KLF8: variants seen among roughly 807,000 people sequenced by gnomAD.
The protein encoded by KLF8 is Krueppel-like factor 8.
KLF8 carries 10 observed loss-of-function variants against 18.2 expected under a neutral mutation model. That is an observed-to-expected ratio of 0.55 (90% CI 0.34 to 0.93). KLF8 has a LOEUF of 0.93. Ranked by LOEUF, KLF8 falls within the 40% of genes least tolerant of loss-of-function variation. The pLI is 0.02. For missense variants in KLF8, 264 were observed against 277.9 expected (o/e 0.95, Z 0.36); for synonymous variants, 109 against 97.3 (o/e 1.12, Z -0.71).
chrX:56,158,454 G>C, the KLF8 span, among the ~76,000 whole-genome samples: 3 of 111,797 alleles, frequency 2.7e-5, no homozygotes, highest in East Asian at 8.4e-4. Context: ...GATGGGGATG[G>C]CATTGAATCT....
chrX:56,060,753 A>C, the KLF8 span, among the ~76,000 whole-genome samples: 3 of 112,066 alleles, frequency 2.7e-5, no homozygotes, highest in African/African-American at 3.2e-5. Context: ...TGTTTGGAAT[A>C]GTTTCAGAAG....
chrX:55,922,826 A>G, the KLF8 span, among the ~76,000 whole-genome samples: 5 of 111,794 alleles, frequency 4.5e-5, no homozygotes, highest in African/African-American at 1.6e-4. Context: ...TCCAGAAACA[A>G]CAGATGCTGG....
the KLF8 span, among the ~76,000 whole-genome samples, chrX:56,053,382 A>C: frequency 9.0e-6 from 1 of 111,053 alleles, no homozygotes; most frequent in Non-Finnish European, 1.9e-5. Flanking sequence ...TTGGTGGATA[A>C]GTTTTTTAAT....
chrX:56,054,450 A>T, the KLF8 span, among the ~76,000 whole-genome samples: 1 of 110,883 alleles, frequency 9.0e-6, no homozygotes, highest in East Asian at 2.8e-4. Flanking sequence ...GGTCTGAGAG[A>T]TTGGTTGTTA....
the KLF8 span, among the ~76,000 whole-genome samples, chrX:56,011,248 G>T: frequency 0.013 from 1,409 of 111,823 alleles, 29 homozygotes; most frequent in African/African-American, 0.044. Flanking sequence ...AAATACACAA[G>T]AACTAAAATC....
At chrX:56,077,651 TA>T in the KLF8 span, among the ~76,000 whole-genome samples, 6 of 111,860 alleles carry the variant, frequency 5.4e-5, no homozygotes, top group Non-Finnish European at 9.4e-5. Context: ...ATATGAACGT[TA>T]AAGTAGTTTT....
the KLF8 span, among the ~76,000 whole-genome samples, chrX:56,052,520 A>G: frequency 0.094 from 10,419 of 111,120 alleles, 1,198 homozygotes; most frequent in African/African-American, 0.33. Context: ...CTGTTGGAAT[A>G]CCTGCCGTGT....
the KLF8 span, among the ~76,000 whole-genome samples, chrX:56,017,987 G>C: frequency 9.0e-6 from 1 of 111,213 alleles, no homozygotes; most frequent in Non-Finnish European, 1.9e-5. Context: ...ATCAAATATG[G>C]GTAATTGGGA....
chrX:55,994,394 G>C, the KLF8 span, among the ~76,000 whole-genome samples: 1 of 109,001 alleles, frequency 9.2e-6, no homozygotes, highest in Non-Finnish European at 1.9e-5. Flanking sequence ...TGTTGATTGT[G>C]TGTATGGCTT....
the KLF8 span, among the ~76,000 whole-genome samples, chrX:56,103,215 A>G: frequency 1.8e-5 from 2 of 110,127 alleles, no homozygotes; most frequent in African/African-American, 6.6e-5. Flanking sequence ...GTTCCATATG[A>G]ACTTTAAAGT....
chrX:56,192,554 C>T, the KLF8 span, among the ~76,000 whole-genome samples: 1 of 111,870 alleles, frequency 8.9e-6, no homozygotes, highest in Non-Finnish European at 1.9e-5. Flanking sequence ...ATCATAATAC[C>T]TGACTACAAA....
the KLF8 span, among the ~76,000 whole-genome samples, chrX:56,155,981 A>G: frequency 1.8e-5 from 2 of 111,781 alleles, no homozygotes; most frequent in East Asian, 2.8e-4. Context: ...GCTATAAAGA[A>G]CATGATTTCA....
At chrX:56,172,725 G>A in the KLF8 span, among the ~76,000 whole-genome samples, 2 of 111,901 alleles carry the variant, frequency 1.8e-5, no homozygotes, top group South Asian at 3.7e-4. Context: ...CCCGCCAACA[G>A]TGTAAAAGTG....
At chrX:56,071,750 T>C in the KLF8 span, among the ~76,000 whole-genome samples, 2 of 112,061 alleles carry the variant, frequency 1.8e-5, no homozygotes, top group Admixed American at 1.9e-4. Context: ...AGTTTTTCTT[T>C]GATGCCTTTT....
At chrX:56,084,758 GT>G in the KLF8 span, among the ~76,000 whole-genome samples, 1 of 112,177 alleles carries the variant, frequency 8.9e-6, no homozygotes, top group Non-Finnish European at 1.9e-5. Flanking sequence ...GTGAAATATT[GT>G]GCCAGTTAGA....
At chrX:56,140,969 T>C in the KLF8 span, among the ~76,000 whole-genome samples, 3 of 111,432 alleles carry the variant, frequency 2.7e-5, no homozygotes, top group Admixed American at 9.6e-5. Flanking sequence ...TTTGCATTTG[T>C]TAACAATTTT....
At chrX:55,998,764 G>A in the KLF8 span, among the ~76,000 whole-genome samples, 2 of 105,923 alleles carry the variant, frequency 1.9e-5, no homozygotes, top group African/African-American at 3.5e-5. Flanking sequence ...TGTATATTTT[G>A]TGAGTATTTT....
chrX:56,022,393 A>G, the KLF8 span, among the ~76,000 whole-genome samples: 1 of 107,767 alleles, frequency 9.3e-6, no homozygotes, highest in Admixed American at 9.9e-5. Flanking sequence ...AAAATTACAA[A>G]AAATTAGCTG....
the KLF8 span, among the ~76,000 whole-genome samples, chrX:56,213,284 C>G: frequency 3.8e-3 from 126 of 33,047 alleles, no homozygotes; most frequent in East Asian, 0.012. Context: ...CTTTTGTTTT[C>G]TTTTCTTTTC....
Sources: allele counts gnomAD v4.1 joint callset (sites outside exome capture counted in the v4.1 genomes callset), GRCh38; gene constraint gnomAD v4.1.1; transcripts MANE v1.5; gene names NCBI Gene and HGNC (gene_info 2026-07-23, HGNC 2026-07-21).